IFT81: variants seen among roughly 807,000 people sequenced by gnomAD.
The protein encoded by IFT81 is intraflagellar transport 81.
IFT81 carries 72 observed loss-of-function variants against 102.6 expected under a neutral mutation model. That is an observed-to-expected ratio of 0.70 (90% CI 0.58 to 0.85). IFT81 has a LOEUF of 0.85. Ranked by LOEUF, IFT81 falls within the 40% of genes least tolerant of loss-of-function variation. The pLI is 0.00. For missense variants in IFT81, 723 were observed against 787.3 expected, an observed-to-expected ratio of 0.92 and a Z score of 0.98; for synonymous variants, 237 against 242.7, an observed-to-expected ratio of 0.98 and a Z score of 0.22.
chr12:110,148,786 A>T (rs1053180562), intron 10 of IFT81, among the ~76,000 whole-genome samples: 1 of 152,152 alleles, frequency 6.6e-6, no homozygotes, highest in African/African-American at 2.4e-5. Flanking sequence ...GACTACTTTT[A>T]TAAAGAGAAA....
At chr12:110,210,769 C>A (rs1473341217) in intron 18 of IFT81, among the ~76,000 whole-genome samples, 1 of 151,834 alleles carries the variant, frequency 6.6e-6, no homozygotes. Flanking sequence ...ACCAAAATAT[C>A]ATGCCAAAAA....
chr12:110,201,919 C>T (rs1030767685), intron 14 of IFT81, among the ~76,000 whole-genome samples: 1 of 152,194 alleles, frequency 6.6e-6, no homozygotes, highest in African/African-American at 2.4e-5. Context: ...ATGCCTTCTT[C>T]TGGATGCCTC....
At chr12:110,169,317 C>G (rs1258433684) in intron 11 of IFT81, 1 of 152,070 alleles carries the variant, frequency 6.6e-6, no homozygotes, top group Non-Finnish European at 1.5e-5. Flanking sequence ...AAATTTCACC[C>G]CATGTGCCTT....
intron 1 of IFT81, among the ~76,000 whole-genome samples, chr12:110,127,017 G>A (rs1893883803): frequency 6.6e-6 from 1 of 152,146 alleles, no homozygotes; most frequent in African/African-American, 2.4e-5. Flanking sequence ...CTAAAATTTA[G>A]GAGCATGTTT....
rs150531803 is a variant in IFT81 at position 110,128,956 on chromosome 12, T to C, written c.255T>C (p.Thr85=). 2 of 1,613,124 alleles carry C rather than the reference T, an allele frequency of 1.2e-6. No homozygotes were observed. The highest frequency in any genetic ancestry group is 2.2e-5 in the East Asian group (1 of 44,808). Residue 85 remains threonine, a synonymous_variant, in exon 4 of 19, where the codon ACT becomes ACC. Coordinates refer to ENST00000242591, the MANE Select transcript of IFT81 (RefSeq NM_014055.4). ...ATGTGTGTTTCTCTCTTAGGAGTACTTTTCGTCAGGGTTTGGTGATTGGAA... is the reference window on the plus strand; with the variant it reads ...ATGTGTGTTTCTCTCTTAGGAGTACCTTTCGTCAGGGTTTGGTGATTGGAA... ...KPSGNATDMS[T]FRQGLVIGSK...
chr12:110,136,939 T>G (rs1894548116), intron 8 of IFT81, 79 bp downstream of exon 8: 1 of 861,384 alleles, frequency 1.2e-6, no homozygotes. Flanking sequence ...AATCAATTTG[T>G]GAGAATTAGT....
intron 17 of IFT81, among the ~76,000 whole-genome samples, chr12:110,207,368 G>A (rs1868781913): frequency 6.6e-6 from 1 of 151,578 alleles, no homozygotes; most frequent in African/African-American, 2.4e-5. Context: ...CTGAAAATGA[G>A]GATTCATCAA....
In IFT81 at chr12:110,124,403, T is replaced by C. The variant is rs1893692119; in HGVS notation, c.-480T>C. On this transcript the variant is annotated 5_prime_UTR_variant, in exon 1 of 19. Transcript: ENST00000242591. ...GGGAGCGGTCTAGAGCCCGGGCGCC[T>C]CCTGGGGGGTGGGGAAACGGTTTCG... is the stretch of plus-strand genomic sequence containing the variant. 2 of 151,868 alleles carry C rather than the reference T, an allele frequency of 1.3e-5. No homozygotes were observed. The highest frequency in any genetic ancestry group is 2.9e-5 in the Non-Finnish European group (2 of 68,070). 9.4% of individuals were successfully genotyped at this position (151,868 alleles called of 1,614,324 possible). A position where few individuals can be genotyped will look rare whatever the true frequency, so the allele number is the denominator to read the frequency against.
chr12:110,138,156 C>A (rs1400543180), intron 8 of IFT81, among the ~76,000 whole-genome samples: 1 of 152,166 alleles, frequency 6.6e-6, no homozygotes, highest in African/African-American at 2.4e-5. Context: ...CTATGAAATT[C>A]TACAAGAGCA....
intron 10 of IFT81, among the ~76,000 whole-genome samples, chr12:110,150,703 C>G (rs1003854500): frequency 3.3e-5 from 5 of 152,164 alleles, no homozygotes; most frequent in Non-Finnish European, 5.9e-5. Context: ...GTAATACCAT[C>G]AAGAATATGA....
chr12:110,146,830 C>T (rs1478193879), intron 9 of IFT81, 123 bp from the exon 10 acceptor site: 9 of 1,225,174 alleles, frequency 7.3e-6, no homozygotes, highest in Non-Finnish European at 8.5e-6. Context: ...CTAGGTGAAA[C>T]TGAGACCTTG....
chr12:110,194,901 C>T (rs368944220), intron 14 of IFT81, among the ~76,000 whole-genome samples: 14 of 152,170 alleles, frequency 9.2e-5, no homozygotes, highest in African/African-American at 3.4e-4. Flanking sequence ...TGAAATCAAC[C>T]GTGACTGATA....
chr12:110,207,851 C>CATAAGGATA (rs1173208127), intron 17 of IFT81, among the ~76,000 whole-genome samples: 4 of 152,090 alleles, frequency 2.6e-5, no homozygotes, highest in Admixed American at 6.6e-5. Context: ...AACATGTCAC[C>CATAAGGATA]TGCTTTAAAT....
intron 9 of IFT81, among the ~76,000 whole-genome samples, chr12:110,146,107 C>T (rs189491825): frequency 2.2e-4 from 33 of 152,188 alleles, no homozygotes; most frequent in Admixed American, 1.6e-3. Context: ...CCACCGTGCC[C>T]GGCCTAATCT....
chr12:110,161,712 C>T (rs888735809), intron 10 of IFT81, among the ~76,000 whole-genome samples: 1 of 152,104 alleles, frequency 6.6e-6, no homozygotes, highest in African/African-American at 2.4e-5. Context: ...CCTTGGCCTC[C>T]CAAAGTGCTG....
intron 11 of IFT81, among the ~76,000 whole-genome samples, chr12:110,171,614 A>G (rs1896732630): frequency 6.6e-6 from 1 of 152,174 alleles, no homozygotes; most frequent in South Asian, 2.1e-4. Flanking sequence ...TTAGAATAGT[A>G]TTTTTATGTG....
intron 17 of IFT81, among the ~76,000 whole-genome samples, 199 bp from the exon 18 acceptor site, chr12:110,208,972 T>C (rs1242986842): frequency 6.6e-6 from 1 of 152,178 alleles, no homozygotes; most frequent in Non-Finnish European, 1.5e-5. Flanking sequence ...TTCTTTTTTT[T>C]CCTTAAATTA....
chr12:110,175,854 G>GC (rs1157593504), intron 11 of IFT81, among the ~76,000 whole-genome samples: 1 of 151,914 alleles, frequency 6.6e-6, no homozygotes, highest in African/African-American at 2.4e-5. Context: ...TGTCTCTGTT[G>GC]CCCAGTATCT....
At chr12:110,141,097 T>C (rs577305293) in intron 8 of IFT81, among the ~76,000 whole-genome samples, 10 of 152,216 alleles carry the variant, frequency 6.6e-5, no homozygotes, top group Non-Finnish European at 1.0e-4. Context: ...TGATCTTGGC[T>C]CACCGCAACC....
Sources: gnomAD v4.1 joint callset for allele counts (sites outside exome capture counted in the v4.1 genomes callset) on GRCh38, gnomAD v4.1.1 for gene constraint, MANE v1.5 for transcripts, NCBI Gene and HGNC (gene_info 2026-07-23, HGNC 2026-07-21) for gene names.